GRXCR2: variants seen among roughly 807,000 people sequenced by gnomAD.
The protein encoded by GRXCR2 is glutaredoxin and cysteine rich domain containing 2, also known as glutaredoxin domain-containing cysteine-rich protein 2.
Under a neutral mutation model 24.8 loss-of-function variants are expected in GRXCR2, and 23 were observed. That is an observed-to-expected ratio of 0.93 (90% CI 0.67 to 1.32). GRXCR2 has a LOEUF of 1.32. Ranked by LOEUF, GRXCR2 falls within the 40% of genes most tolerant of loss-of-function variation. The pLI is 0.00. For synonymous variants in GRXCR2, 130 were observed against 116.1 expected (o/e 1.12, Z -0.77); for missense variants, 315 against 303.4 (o/e 1.04, Z -0.28).
chr5:145,883,067 G>C (rs1237002482), intron 2 of GRXCR2, among the ~76,000 whole-genome samples: 2 of 151,516 alleles, frequency 1.3e-5, no homozygotes, highest in Admixed American at 6.6e-5. Context: ...GAGATACCTA[G>C]TGTAAATGAC....
At chr5:145,909,894 C>A (rs1253243925) in intron 2 of GRXCR2, among the ~76,000 whole-genome samples, 1 of 152,184 alleles carries the variant, frequency 6.6e-6, no homozygotes, top group African/African-American at 2.4e-5. Flanking sequence ...GCCCTCACCC[C>A]TCGCTTCCCA....
At chr5:145,926,781 T>C (rs1350162016) in intron 2 of GRXCR2, among the ~76,000 whole-genome samples, 3 of 152,212 alleles carry the variant, frequency 2.0e-5, no homozygotes, top group African/African-American at 7.2e-5. Context: ...ATTGGTAGCT[T>C]GATGGGGATG....
At chr5:145,868,042 C>T (rs1756464964) in intron 1 of GRXCR2, among the ~76,000 whole-genome samples, 1 of 152,034 alleles carries the variant, frequency 6.6e-6, no homozygotes, top group Non-Finnish European at 1.5e-5. Flanking sequence ...GAGCAATGTT[C>T]CTGTGGTTAA....
chr5:145,876,443 T>C (rs1413870037), upstream of GRXCR2, among the ~76,000 whole-genome samples: 1 of 151,570 alleles, frequency 6.6e-6, no homozygotes, highest in Non-Finnish European at 1.5e-5. Context: ...TTATTTTCTA[T>C]GTGTGCCATG....
intron 2 of GRXCR2, among the ~76,000 whole-genome samples, chr5:145,896,888 T>A (rs2149921206): frequency 6.6e-6 from 1 of 152,180 alleles, no homozygotes; most frequent in South Asian, 2.1e-4. Flanking sequence ...CCAAGCCAAA[T>A]GTCCAAGAAT....
chr5:145,867,909 A>G (rs1756462859), intron 1 of GRXCR2, among the ~76,000 whole-genome samples: 1 of 152,106 alleles, frequency 6.6e-6, no homozygotes, highest in Non-Finnish European at 1.5e-5. Flanking sequence ...AGTGCCCTCC[A>G]ATTACCCCAG....
chr5:145,930,870 A>G (rs1757468205), intron 2 of GRXCR2, among the ~76,000 whole-genome samples: 1 of 152,210 alleles, frequency 6.6e-6, no homozygotes, highest in African/African-American at 2.4e-5. Context: ...GAACATCTCA[A>G]TGAAGTAGGT....
At chr5:145,893,578 G>A (rs1756903396) in intron 2 of GRXCR2, among the ~76,000 whole-genome samples, 2 of 152,170 alleles carry the variant, frequency 1.3e-5, no homozygotes, top group Admixed American at 1.3e-4. Context: ...AACAAGAAGA[G>A]CTAACTATCC....
chr5:145,869,377 A>G (rs1756488771), intron 1 of GRXCR2, among the ~76,000 whole-genome samples: 5 of 152,102 alleles, frequency 3.3e-5, no homozygotes, highest in Admixed American at 1.3e-4. Context: ...TATAAACTTC[A>G]GTTTTAATTG....
chr5:145,895,636 A>G (rs1756938205), intron 2 of GRXCR2, among the ~76,000 whole-genome samples: 1 of 152,320 alleles, frequency 6.6e-6, no homozygotes, highest in South Asian at 2.1e-4. Context: ...AAAAGAGGAT[A>G]AAAACAAATG....
intron 2 of GRXCR2, among the ~76,000 whole-genome samples, chr5:145,896,668 A>G (rs904111721): frequency 4.4e-4 from 67 of 152,108 alleles, no homozygotes; most frequent in Non-Finnish European, 8.1e-4. Context: ...AAATAGGAAC[A>G]CTTTTATACT....
intron 2 of GRXCR2, among the ~76,000 whole-genome samples, chr5:145,918,001 A>G (rs1356423959): frequency 6.6e-6 from 1 of 152,060 alleles, no homozygotes; most frequent in Non-Finnish European, 1.5e-5. Context: ...GATGGTCTTG[A>G]TCTCCTGACC....
At chr5:145,879,911 A>G (rs1189666083) in intron 2 of GRXCR2, among the ~76,000 whole-genome samples, 1 of 152,216 alleles carries the variant, frequency 6.6e-6, no homozygotes, top group South Asian at 2.1e-4. Context: ...GCACAACTAC[A>G]TGGAAACTGA....
intron 2 of GRXCR2, among the ~76,000 whole-genome samples, chr5:145,863,074 C>G (rs1054319875): frequency 1.3e-5 from 2 of 152,204 alleles, no homozygotes. Context: ...TTTTCCCTTT[C>G]CACCTTTTGC....
At chr5:145,913,911 C>A (rs376271483) in intron 2 of GRXCR2, among the ~76,000 whole-genome samples, 2 of 152,168 alleles carry the variant, frequency 1.3e-5, no homozygotes, top group Non-Finnish European at 2.9e-5. Context: ...ACTGACTGAG[C>A]ACCTTCTATG....
At chr5:145,885,842 T>C (rs1756772486) in intron 2 of GRXCR2, among the ~76,000 whole-genome samples, 1 of 152,190 alleles carries the variant, frequency 6.6e-6, no homozygotes, top group South Asian at 2.1e-4. Context: ...CTCCCATTCA[T>C]ACCCCTTCAT....
intron 1 of GRXCR2, 132 bp from the exon 2 acceptor site, chr5:145,866,860 C>T (rs1360529757): frequency 4.7e-6 from 3 of 633,522 alleles, no homozygotes; most frequent in Non-Finnish European, 8.4e-6. Flanking sequence ...TCCCATCAGA[C>T]CCCAAAGTCA....
intron 2 of GRXCR2, among the ~76,000 whole-genome samples, chr5:145,900,020 T>C (rs983693693): frequency 8.5e-5 from 13 of 152,060 alleles, no homozygotes; most frequent in African/African-American, 3.1e-4. Context: ...CGACAAAGTT[T>C]TAACAACCAG....
chr5:145,890,351 A>G (rs1412813482), intron 2 of GRXCR2, among the ~76,000 whole-genome samples: 1 of 152,160 alleles, frequency 6.6e-6, no homozygotes, highest in African/African-American at 2.4e-5. Context: ...CAGCCTCCCA[A>G]AGTGCTGAGA....
Sources: allele counts gnomAD v4.1 joint callset (sites outside exome capture counted in the v4.1 genomes callset), GRCh38; gene constraint gnomAD v4.1.1; transcripts MANE v1.5; gene names NCBI Gene and HGNC (gene_info 2026-07-23, HGNC 2026-07-21).